IRAG2: variants seen among roughly 807,000 people sequenced by gnomAD.
IRAG2 encodes the protein lymphoid restricted membrane protein.
Under a neutral mutation model 69.9 loss-of-function variants are expected in IRAG2, and 45 were observed. That is an observed-to-expected ratio of 0.64 (90% CI 0.51 to 0.83). The LOEUF (loss-of-function observed/expected upper bound fraction) is 0.83. IRAG2 is among the 40% of genes least tolerant of loss of function. The pLI is 0.00. For synonymous variants in IRAG2, 193 were observed against 202.4 expected (o/e 0.95, Z 0.40); for missense variants, 520 against 587.0 (o/e 0.89, Z 1.18).
At chr12:25,092,186 A>T (rs10771164) in intron 14 of IRAG2, among the ~76,000 whole-genome samples, 3 of 149,824 alleles carry the variant, frequency 2.0e-5, no homozygotes, top group Non-Finnish European at 4.4e-5. Context: ...GATCACCTAA[A>T]GTCAGGAGTT....
chr12:25,079,141 A>C (rs887734399), intron 6 of IRAG2, 103 bp from the exon 7 acceptor site: 11 of 1,127,094 alleles, frequency 9.8e-6, no homozygotes, highest in Non-Finnish European at 1.5e-5. Flanking sequence ...CTGAGTAAAT[A>C]TGGGTTCATT....
intron 15 of IRAG2, chr12:25,037,903 T>C (rs1369506060): frequency 1.8e-5 from 7 of 397,838 alleles, no homozygotes; most frequent in Non-Finnish European, 3.1e-5. Context: ...CACAGCTTTT[T>C]AGATTGCCTC....
rs1296580458 is a variant in IRAG2 at position 25,013,858 on chromosome 12, T to TCC, written c.897-1324_897-1323insCC. Among the ~76,000 whole-genome samples, 44 of 119,842 alleles carry TCC rather than the reference T, an allele frequency of 3.7e-4. 3 individuals are homozygous for TCC. Among genetic ancestry groups the TCC allele is most frequent in the Non-Finnish European group, 5.6e-4 (30 of 53,120 alleles). 78.6% of individuals were successfully genotyped at this position (119,842 alleles called of 152,430 possible). A position where few individuals can be genotyped will look rare whatever the true frequency, so the allele number is the denominator to read the frequency against. On this transcript the variant is annotated intron_variant, in intron 3 of 38. Transcript: ENST00000636465. Reference sequence around the variant, plus strand: ...TGCATAATGGTTTTAATTTTTTGTTTTCTTTTTCTTTTTTTTTTTTTTTTT... The same window carrying TCC: ...TGCATAATGGTTTTAATTTTTTGTTTCCTCTTTTTCTTTTTTTTTTTTTTTTT...
chr12:25,001,775 T>TC (rs1944392997), upstream of IRAG2, among the ~76,000 whole-genome samples: 1 of 151,124 alleles, frequency 6.6e-6, no homozygotes, highest in Non-Finnish European at 1.5e-5. Context: ...TTTTGGTTTT[T>TC]TTTTTTTTTT....
chr12:25,090,219 A>G lies in IRAG2; in HGVS notation c.606+22A>G, dbSNP rs758446676. 21 of 1,610,060 alleles carry G rather than the reference A, an allele frequency of 1.3e-5. No individual in the cohort carries two copies. In the East Asian group the frequency reaches 4.5e-4, roughly 34 times the overall value. ...AGAGGTGAGAATCAGAACATTTGGG[A>G]TATAAACATTTGGTCTAGCCAGGCA... is the stretch of plus-strand genomic sequence containing the variant. On this transcript the variant is annotated intron_variant, in intron 14 of 21. Transcript: ENST00000556887.
Position 25,101,177 on chromosome 12 carries a change from G to T in IRAG2, c.742-1G>T. 1 of 1,590,736 alleles carries T rather than the reference G, an allele frequency of 6.3e-7. No homozygotes were observed. The highest frequency in any genetic ancestry group is 1.4e-5 in the African/African-American group (1 of 73,954). On this transcript the variant is annotated splice_acceptor_variant, in intron 15 of 21. Coordinates refer to ENST00000556887, the MANE Select transcript of IRAG2 (RefSeq NM_001366544.2). LOFTEE classifies it high-confidence loss of function. Reference sequence around the variant, plus strand: ...AATGTGCTCGTTTTTTCTCTTGCTAGGAAAGCCGGGTTAGTAAAGCAGTTG... The same window carrying T: ...AATGTGCTCGTTTTTTCTCTTGCTATGAAAGCCGGGTTAGTAAAGCAGTTG...
chr12:25,106,861 C>A (rs988489229), intron 20 of IRAG2, 82 bp from the exon 21 acceptor site: 9 of 523,000 alleles, frequency 1.7e-5, no homozygotes, highest in Non-Finnish European at 2.9e-5. Flanking sequence ...TCTTGAGTTA[C>A]AGTAAGATTC....
chr12:25,079,188 T>C lies in IRAG2; in HGVS notation c.25-56T>C. 8 of 1,579,934 alleles carry C rather than the reference T, an allele frequency of 5.1e-6. No homozygotes were observed. The South Asian group carries it at 8.9e-5, about 18-fold the overall frequency. ...GAAAATGTTTGCTTAAAACAACCTC[T>C]TTGGAATGGAAAATGTCAAATTGTT... On this transcript the variant is annotated intron_variant, in intron 6 of 21. Coordinates refer to ENST00000556887, the MANE Select transcript of IRAG2 (RefSeq NM_001366544.2).
chr12:25,037,827 C>A, intron 15 of IRAG2: 1 of 394,318 alleles, frequency 2.5e-6, no homozygotes, highest in Non-Finnish European at 4.5e-6. Context: ...AATTAACATA[C>A]AATTGAGAAT....
chr12:25,102,901 C>T (rs1207899783), intron 17 of IRAG2: 2 of 152,202 alleles, frequency 1.3e-5, no homozygotes, highest in African/African-American at 4.8e-5. Context: ...CATAGATATA[C>T]AGAATTTTTG....
chr12:25,064,198 A>G (rs1483410754), intron 4 of IRAG2, among the ~76,000 whole-genome samples: 1 of 152,208 alleles, frequency 6.6e-6, no homozygotes, highest in East Asian at 1.9e-4. Context: ...GGACTCAGAG[A>G]AGTCAAAGAT....
chr12:25,022,452 C>T (rs1232614413), intron 7 of IRAG2, among the ~76,000 whole-genome samples: 6 of 152,020 alleles, frequency 3.9e-5, no homozygotes, highest in African/African-American at 1.2e-4. Flanking sequence ...CAAGATTGCA[C>T]CACTGCATTC....
At chr12:25,034,569 T>A (rs1366739191) in intron 13 of IRAG2, among the ~76,000 whole-genome samples, 1 of 152,248 alleles carries the variant, frequency 6.6e-6, no homozygotes, top group Non-Finnish European at 1.5e-5. Context: ...GGGATAAAGA[T>A]GTTCTGACTC....
At chr12:25,031,645 C>CGT (rs377409117) in intron 10 of IRAG2, among the ~76,000 whole-genome samples, 46 of 151,358 alleles carry the variant, frequency 3.0e-4, no homozygotes, top group South Asian at 8.4e-4. Context: ...CCTTTTTGTC[C>CGT]GTGTGTGTGT....
chr12:24,998,454 ATAG>A, the IRAG2 span, among the ~76,000 whole-genome samples: 12 of 152,224 alleles, frequency 7.9e-5, no homozygotes, highest in South Asian at 4.1e-4. Flanking sequence ...ATCACATAAA[ATAG>A]TAGTCACAAA....
chr12:25,105,640 G>T (rs1439522593), intron 20 of IRAG2, among the ~76,000 whole-genome samples: 1 of 150,504 alleles, frequency 6.6e-6, no homozygotes, highest in Non-Finnish European at 1.5e-5. Flanking sequence ...GAGCTGGTTG[G>T]AAAAAAAAAT....
At chr12:25,041,672 G>GT (rs71063390) in intron 16 of IRAG2, among the ~76,000 whole-genome samples, 71,270 of 134,762 alleles carry the variant, frequency 0.53, 18,753 homozygotes, top group Non-Finnish European at 0.57. Flanking sequence ...GTTTTTTTTT[G>GT]TTTTTTTTTT....
upstream of IRAG2, among the ~76,000 whole-genome samples, chr12:25,048,461 T>C (rs1436046903): frequency 6.6e-6 from 1 of 152,024 alleles, no homozygotes; most frequent in Non-Finnish European, 1.5e-5. Context: ...CACACCCAGC[T>C]AATTTTTGTA....
At chr12:25,069,103 G>A (rs949965846) in intron 5 of IRAG2, among the ~76,000 whole-genome samples, 46 of 152,174 alleles carry the variant, frequency 3.0e-4, no homozygotes, top group Non-Finnish European at 6.3e-4. Context: ...TTGAGGGTGA[G>A]GAAGGATGGC....
Sources: gnomAD v4.1 joint callset for allele counts (sites outside exome capture counted in the v4.1 genomes callset) on GRCh38, gnomAD v4.1.1 for gene constraint, MANE v1.5 for transcripts, NCBI Gene and HGNC (gene_info 2026-07-23, HGNC 2026-07-21) for gene names.